Variants in CNTNAP2 observed in about 807,000 individuals in gnomAD.
The protein encoded by CNTNAP2 is contactin associated protein 2.
Under a neutral mutation model 155.2 loss-of-function variants are expected in CNTNAP2, and 98 were observed. That is an observed-to-expected ratio of 0.63 (90% CI 0.54 to 0.75). CNTNAP2 has a LOEUF of 0.75. Ranked by LOEUF, CNTNAP2 falls within the 30% of genes least tolerant of loss-of-function variation. The probability of loss-of-function intolerance (pLI) is 0.00; values close to 1 mark genes in which losing one functional copy is unlikely to be tolerated. For missense variants in CNTNAP2, 1,727 were observed against 1,688.1 expected, an observed-to-expected ratio of 1.02 and a Z score of -0.40; for synonymous variants, 651 against 631.2, an observed-to-expected ratio of 1.03 and a Z score of -0.47.
At position 146,555,216 on chromosome 7, in the gene CNTNAP2, A is replaced by T. The variant is rs116168819; in HGVS notation, c.98-219055A>T. On this transcript the variant is annotated intron_variant, in intron 1 of 23. Transcript: ENST00000361727. ...CAGTCACCTGAAAAGCTAAAGATGCAGTGTGACAACTGCTACATCAGCAAT... is the reference window on the plus strand; with the variant it reads ...CAGTCACCTGAAAAGCTAAAGATGCTGTGTGACAACTGCTACATCAGCAAT... 4.6e-3 allele frequency among the ~76,000 whole-genome samples: 700 copies of T among 152,308 alleles called. 5 individuals carry two copies. Among genetic ancestry groups the T allele is most frequent in the African/African-American group, 0.016 (653 of 41,568 alleles).
chr7:147,009,186 T>C (rs1798579292), intron 3 of CNTNAP2, among the ~76,000 whole-genome samples: 1 of 152,136 alleles, frequency 6.6e-6, no homozygotes, highest in African/African-American at 2.4e-5. Context: ...GTCTTTACTT[T>C]GTTAAATGTA....
intron 8 of CNTNAP2, among the ~76,000 whole-genome samples, chr7:147,287,354 G>A (rs1584847311): frequency 6.6e-6 from 1 of 152,044 alleles, no homozygotes; most frequent in East Asian, 1.9e-4. Context: ...AGAGCAGGGG[G>A]AGTAGGAATG....
chr7:146,833,434 T>C (rs1803553946), intron 2 of CNTNAP2, among the ~76,000 whole-genome samples: 1 of 152,140 alleles, frequency 6.6e-6, no homozygotes, highest in Non-Finnish European at 1.5e-5. Flanking sequence ...TTTATCATTT[T>C]GGGACTTTCT....
intron 15 of CNTNAP2, among the ~76,000 whole-genome samples, chr7:148,007,225 A>G (rs1215523917): frequency 6.6e-6 from 1 of 152,160 alleles, no homozygotes; most frequent in Non-Finnish European, 1.5e-5. Context: ...TCTACATGCT[A>G]TCAACAAAAC....
intron 15 of CNTNAP2, among the ~76,000 whole-genome samples, chr7:148,108,244 A>G (rs1804265926): frequency 6.6e-6 from 1 of 152,180 alleles, no homozygotes; most frequent in South Asian, 2.1e-4. Flanking sequence ...CTTAGTCGTC[A>G]GGTCCCTCCT....
At chr7:146,721,753 C>A (rs1801328034) in intron 1 of CNTNAP2, among the ~76,000 whole-genome samples, 3 of 124,162 alleles carry the variant, frequency 2.4e-5, no homozygotes, top group Non-Finnish European at 4.8e-5. Context: ...TATATATATT[C>A]TATATATAGT....
chr7:148,285,774 A>G (rs1431002474), intron 21 of CNTNAP2, among the ~76,000 whole-genome samples: 1 of 152,170 alleles, frequency 6.6e-6, no homozygotes, highest in African/African-American at 2.4e-5. Context: ...TTTATGAAAG[A>G]GAAAAGACCC....
chr7:146,354,498 T>G (rs527752367), intron 1 of CNTNAP2, among the ~76,000 whole-genome samples: 2 of 151,106 alleles, frequency 1.3e-5, no homozygotes, highest in South Asian at 4.2e-4. Context: ...CACTGCAGTC[T>G]CCACCTCCCA....
At chr7:146,804,237 G>A (rs1802929301) in intron 2 of CNTNAP2, among the ~76,000 whole-genome samples, 1 of 152,098 alleles carries the variant, frequency 6.6e-6, no homozygotes, top group African/African-American at 2.4e-5. Flanking sequence ...GCCACCGAAA[G>A]CAAAAACCGA....
intron 12 of CNTNAP2, among the ~76,000 whole-genome samples, chr7:147,634,864 A>G (rs945962986): frequency 6.6e-6 from 1 of 152,134 alleles, no homozygotes; most frequent in African/African-American, 2.4e-5. Context: ...ACTGCTGGTC[A>G]TGCTCGTCCC....
chr7:147,462,075 A>G (rs1293370250), intron 10 of CNTNAP2, among the ~76,000 whole-genome samples: 7 of 151,176 alleles, frequency 4.6e-5, no homozygotes, highest in Non-Finnish European at 1.0e-4. Context: ...TTTTGCCCAC[A>G]CTGCTCTCGT....
At chr7:147,298,537 C>T (rs963740550) in intron 8 of CNTNAP2, among the ~76,000 whole-genome samples, 2 of 152,160 alleles carry the variant, frequency 1.3e-5, no homozygotes, top group Non-Finnish European at 2.9e-5. Context: ...CTATGAGTAA[C>T]TACTACAAAC....
intron 19 of CNTNAP2, 117 bp from the exon 20 acceptor site, chr7:148,229,525 AAAAG>A (rs1257718039): frequency 1.5e-6 from 2 of 1,353,638 alleles, no homozygotes; most frequent in Non-Finnish European, 2.1e-6. Flanking sequence ...TCCGTCAAAA[AAAAG>A]AAAGAAAAGA....
Position 147,402,999 on chromosome 7 carries a change from A to G in CNTNAP2, c.1670+7219A>G, listed in dbSNP as rs542749751. Among the ~76,000 whole-genome samples, 477 of 151,858 alleles carry G rather than the reference A, an allele frequency of 3.1e-3. 1 individual carries two copies. Among genetic ancestry groups the G allele is most frequent in the Non-Finnish European group, 4.1e-3 (280 of 67,954 alleles). On this transcript the variant is annotated intron_variant, in intron 10 of 23. Coordinates refer to ENST00000361727, the MANE Select transcript of CNTNAP2 (RefSeq NM_014141.6). ...AGTTTAGGTCAGACATGCCTCACAA[A>G]CATCAACACAGAGACCTTAAGACTG...
chr7:146,872,439 A>G (rs1795332480), intron 3 of CNTNAP2, among the ~76,000 whole-genome samples: 1 of 152,098 alleles, frequency 6.6e-6, no homozygotes, highest in Non-Finnish European at 1.5e-5. Flanking sequence ...TTGTAAGGAG[A>G]ATTTCTAGAG....
At chr7:147,268,578 G>T (rs776035015) in intron 8 of CNTNAP2, among the ~76,000 whole-genome samples, 1 of 152,074 alleles carries the variant, frequency 6.6e-6, no homozygotes, top group Non-Finnish European at 1.5e-5. Flanking sequence ...ATTGATGGCT[G>T]CAGCAAACCA....
At chr7:148,132,298 G>A (rs1278660134) in intron 16 of CNTNAP2, among the ~76,000 whole-genome samples, 3 of 152,182 alleles carry the variant, frequency 2.0e-5, no homozygotes, top group South Asian at 2.1e-4. Context: ...AATCTTATAC[G>A]GGAGTGTGGT....
At chr7:146,790,674 A>T (rs12671211) in intron 2 of CNTNAP2, among the ~76,000 whole-genome samples, 9,810 of 150,192 alleles carry the variant, frequency 0.065, 443 homozygotes, top group African/African-American at 0.13. Flanking sequence ...GGTTCACGCC[A>T]TTCTCCTGCC....
intron 21 of CNTNAP2, among the ~76,000 whole-genome samples, chr7:148,319,885 G>A (rs62470594): frequency 0.21 from 31,464 of 151,750 alleles, 3,308 homozygotes; most frequent in South Asian, 0.33. Context: ...GAAATAAAGT[G>A]CATAATAAAT....
Sources: gnomAD v4.1 joint callset for allele counts (sites outside exome capture counted in the v4.1 genomes callset) on GRCh38, gnomAD v4.1.1 for gene constraint, MANE v1.5 for transcripts, NCBI Gene and HGNC (gene_info 2026-07-23, HGNC 2026-07-21) for gene names.